The following TRARG1 variants were observed in gnomAD, a reference collection of about 807,000 sequenced individuals.
TRARG1 encodes the protein trafficking regulator of GLUT4 (SLC2A4) 1 (gene/pseudogene), also known as trafficking regulator of GLUT4 1.
Under a neutral mutation model 13.3 loss-of-function variants are expected in TRARG1, and 16 were observed. The observed-to-expected ratio is 1.20, with a 90% confidence interval of 0.81 to 1.83. The LOEUF (loss-of-function observed/expected upper bound fraction) is 1.83. TRARG1 is among the 40% of genes most tolerant of loss of function. The probability of loss-of-function intolerance (pLI) is 0.00; values close to 1 mark genes in which losing one functional copy is unlikely to be tolerated. For synonymous variants in TRARG1, 113 were observed against 106.2 expected, an observed-to-expected ratio of 1.06 and a Z score of -0.39; for missense variants, 250 against 237.4, an observed-to-expected ratio of 1.05 and a Z score of -0.35.
In TRARG1 at chr17:1,284,520, G is replaced by C. The variant is rs2072006677; in HGVS notation, c.387+4132G>C. 3.9e-5 allele frequency among the ~76,000 whole-genome samples: 6 copies of C among 152,302 alleles called. 1 individual carries two copies. The South Asian group carries it at 1.2e-3, about 32-fold the overall frequency. ...GCAAGAGGCGAAGAGGCCAGGACCA[G>C]GGCCAGGGACAGGGCCAGAGGTGGC... On this transcript the variant is annotated intron_variant, in intron 1 of 2. Transcript: ENST00000333813.
chr17:1,281,183 A>C (rs1283243122), intron 1 of TRARG1, among the ~76,000 whole-genome samples: 2 of 152,232 alleles, frequency 1.3e-5, no homozygotes, highest in Non-Finnish European at 2.9e-5. Flanking sequence ...GGGTAGAGCT[A>C]CTTATAAAGG....
At chr17:1,284,838 A>G (rs1056214659) in intron 1 of TRARG1, among the ~76,000 whole-genome samples, 4 of 151,096 alleles carry the variant, frequency 2.6e-5, no homozygotes, top group Admixed American at 1.3e-4. Context: ...CCGCCACCAC[A>G]CCCTGCTAAT....
chr17:1,283,171 C>A (rs544736019), intron 1 of TRARG1, among the ~76,000 whole-genome samples: 27 of 152,228 alleles, frequency 1.8e-4, no homozygotes, highest in Admixed American at 1.4e-3. Context: ...AGATAATGAG[C>A]TGGGAAAGTC....
At chr17:1,286,787 A>C (rs1383481940) in intron 1 of TRARG1, among the ~76,000 whole-genome samples, 2 of 93,984 alleles carry the variant, frequency 2.1e-5, no homozygotes, top group African/African-American at 4.3e-5. Flanking sequence ...TTGGCCTGTC[A>C]GGTGTTATCA....
chr17:1,284,094 G>A (rs1468114300), intron 1 of TRARG1, among the ~76,000 whole-genome samples: 21 of 150,704 alleles, frequency 1.4e-4, no homozygotes, highest in Non-Finnish European at 2.2e-4. Context: ...CAGCCTGGGC[G>A]ACAGAGCAAG....
At chr17:1,290,724 G>A (rs1272575770) in intron 1 of TRARG1, among the ~76,000 whole-genome samples, 1 of 152,028 alleles carries the variant, frequency 6.6e-6, no homozygotes, top group Non-Finnish European at 1.5e-5. Context: ...CTGCCTCACT[G>A]GAGTGTTAGG....
Position 1,295,474 on chromosome 17 carries a change from C to G in TRARG1, c.388-17C>G, listed in dbSNP as rs749419497. On this transcript the variant is annotated splice_polypyrimidine_tract_variant and intron_variant, in intron 1 of 2. Transcript: ENST00000333813. Reference sequence around the variant, plus strand: ...AGCCTTCCCGGTTCCCGGGGTCTCTCTGTGCTCTCTCCGCAGTCTCGAAGC... The same window carrying G: ...AGCCTTCCCGGTTCCCGGGGTCTCTGTGTGCTCTCTCCGCAGTCTCGAAGC... 17 of 1,592,094 alleles carry G rather than the reference C, an allele frequency of 1.1e-5. No homozygotes were observed. Among genetic ancestry groups the G allele is most frequent in the Non-Finnish European group, 1.3e-5 (15 of 1,169,790 alleles).
intron 1 of TRARG1, among the ~76,000 whole-genome samples, chr17:1,286,510 G>T (rs1450540969): frequency 3.3e-3 from 381 of 115,720 alleles, no homozygotes; most frequent in African/African-American, 0.011. Context: ...AGCCTGTGGG[G>T]TGTTATCGGC....
In TRARG1 at chr17:1,300,274, G is replaced by C. The variant is rs1252799390; in HGVS notation, c.*2010G>C. 1 of 152,244 alleles carries C rather than the reference G, an allele frequency of 6.6e-6. No homozygotes were observed. The highest frequency in any genetic ancestry group is 6.5e-5 in the Admixed American group (1 of 15,280). 9.4% of individuals were successfully genotyped at this position (152,244 alleles called of 1,614,324 possible). On this transcript the variant is annotated 3_prime_UTR_variant, in exon 3 of 3. Transcript: ENST00000333813. ...GGGATGATGAGTGGGCGTTTTCCCG[G>C]CAGGCCCCCGGGGTCCTCAGCCTCA...
intron 1 of TRARG1, among the ~76,000 whole-genome samples, chr17:1,291,719 T>C (rs1365135342): frequency 1.3e-5 from 2 of 152,086 alleles, no homozygotes; most frequent in African/African-American, 4.8e-5. Context: ...TTTATTCTCC[T>C]GGCAGAGCTG....
In TRARG1 at chr17:1,282,057, T is replaced by TATAC. The variant is rs1313983052; in HGVS notation, c.387+1670_387+1671insTACA. Among the ~76,000 whole-genome samples the TATAC allele has an allele frequency of 3.0e-4, 19 of 63,926 alleles. No homozygotes were observed. In the East Asian group the frequency reaches 3.3e-3, roughly 11 times the overall value. 41.9% of individuals were successfully genotyped at this position (63,926 alleles called of 152,430 possible). A position where few individuals can be genotyped will look rare whatever the true frequency, so the allele number is the denominator to read the frequency against. On this transcript the variant is annotated intron_variant, in intron 1 of 2. Coordinates refer to ENST00000333813, the MANE Select transcript of TRARG1 (RefSeq NM_172367.3). Reference sequence around the variant, plus strand: ...ATATACACACATATGTACACATATGTACATGTATACACATATATACATATA... The same window carrying TATAC: ...ATATACACACATATGTACACATATGTATACACATGTATACACATATATACATATA...
At position 1,300,449 on chromosome 17, in the gene TRARG1, TAC is replaced by T. The variant is rs10625360; in HGVS notation, c.*2208_*2209del. On this transcript the variant is annotated 3_prime_UTR_variant, in exon 3 of 3. Coordinates refer to ENST00000333813, the MANE Select transcript of TRARG1 (RefSeq NM_172367.3). Reference sequence around the variant, plus strand: ...ACAAATAGGCTCTGCCGTGCACTCCTACACACACACACACACACACACACGCT... The same window carrying T: ...ACAAATAGGCTCTGCCGTGCACTCCTACACACACACACACACACACACGCT... The T allele has an allele frequency of 0.03, 4,405 of 149,280 alleles. 204 individuals are homozygous for T. Among genetic ancestry groups the T allele is most frequent in the African/African-American group, 0.093 (3,794 of 40,818 alleles). 9.2% of individuals were successfully genotyped at this position (149,280 alleles called of 1,614,324 possible).
At chr17:1,284,122 A>AAAAGAAAG (rs35790659) in intron 1 of TRARG1, among the ~76,000 whole-genome samples, 2,236 of 149,486 alleles carry the variant, frequency 0.015, 65 homozygotes, top group African/African-American at 0.05. Context: ...CTCAAAAAAA[A>AAAAGAAAG]AAAGAAAGAA....
chr17:1,287,140 AG>A (rs2072030704), intron 1 of TRARG1, among the ~76,000 whole-genome samples: 1 of 151,778 alleles, frequency 6.6e-6, no homozygotes, highest in African/African-American at 2.4e-5. Context: ...GTGAGAGGGA[AG>A]TTGGGAGTTG....
At chr17:1,282,017 T>C (rs553332626) in intron 1 of TRARG1, among the ~76,000 whole-genome samples, 14 of 144,602 alleles carry the variant, frequency 9.7e-5, no homozygotes, top group East Asian at 2.0e-4. Flanking sequence ...CATATGTACA[T>C]ATACATATGT....
chr17:1,286,365 G>A (rs921937349), intron 1 of TRARG1, among the ~76,000 whole-genome samples: 7 of 142,834 alleles, frequency 4.9e-5, no homozygotes, highest in East Asian at 4.0e-4. Flanking sequence ...TGTTGCTGTC[G>A]GCCTGTGAGG....
At chr17:1,291,136 C>T (rs1598192979) in intron 1 of TRARG1, among the ~76,000 whole-genome samples, 1 of 151,998 alleles carries the variant, frequency 6.6e-6, no homozygotes, top group East Asian at 1.9e-4. Flanking sequence ...GAACTCCTGA[C>T]CTCAGGTAAT....
At chr17:1,289,493 C>T (rs2072055404) in intron 1 of TRARG1, among the ~76,000 whole-genome samples, 1 of 146,850 alleles carries the variant, frequency 6.8e-6, no homozygotes, top group African/African-American at 2.5e-5. Context: ...TAAGCATGAC[C>T]AGCATTGCCG....
At chr17:1,284,724 A>T (rs1274409947) in intron 1 of TRARG1, among the ~76,000 whole-genome samples, 1 of 152,044 alleles carries the variant, frequency 6.6e-6, no homozygotes, top group African/African-American at 2.4e-5. Context: ...TCTGTCGCCC[A>T]GGCTGGAGTG....
Sources: gnomAD v4.1 joint callset for allele counts (sites outside exome capture counted in the v4.1 genomes callset) on GRCh38, gnomAD v4.1.1 for gene constraint, MANE v1.5 for transcripts, NCBI Gene and HGNC (gene_info 2026-07-23, HGNC 2026-07-21) for gene names.